CREB5: variants seen among roughly 807,000 people sequenced by gnomAD.
The protein encoded by CREB5 is cyclic AMP-responsive element-binding protein 5.
CREB5 carries 19 observed loss-of-function variants against 57.1 expected under a neutral mutation model. The observed-to-expected ratio is 0.33, with a 90% CI of 0.23 to 0.49. The LOEUF is 0.49. Ranked by LOEUF, CREB5 falls within the 20% of genes least tolerant of loss-of-function variation. The pLI is 0.99. For missense variants in CREB5, 579 were observed against 671.6 expected (o/e 0.86, Z 1.52); for synonymous variants, 238 against 238.3 (o/e 1.00, Z 0.01).
intron 5 of CREB5, among the ~76,000 whole-genome samples, chr7:28,637,404 C>T (rs1054860715): frequency 1.3e-5 from 2 of 152,030 alleles, no homozygotes; most frequent in Admixed American, 6.6e-5. Flanking sequence ...TCAAAATGCT[C>T]ACAGATTAGT....
intron 7 of CREB5, among the ~76,000 whole-genome samples, chr7:28,735,253 T>C (rs1485363245): frequency 2.0e-5 from 3 of 152,230 alleles, no homozygotes; most frequent in Non-Finnish European, 4.4e-5. Flanking sequence ...ACAAAAATAT[T>C]GGCTTCTCCA....
chr7:28,515,742 C>G (rs1792913187), intron 4 of CREB5, among the ~76,000 whole-genome samples: 1 of 152,094 alleles, frequency 6.6e-6, no homozygotes, highest in Non-Finnish European at 1.5e-5. Context: ...AAGCCTAGAC[C>G]ATTCTTACTT....
chr7:28,629,085 G>C (rs1355240195), intron 5 of CREB5, among the ~76,000 whole-genome samples: 2 of 152,162 alleles, frequency 1.3e-5, no homozygotes, highest in African/African-American at 4.8e-5. Flanking sequence ...TGGACCAAAT[G>C]GTGCCTCGGT....
At position 28,809,194 on chromosome 7, in the gene CREB5, C is replaced by T. The variant is rs777693503; in HGVS notation, c.1034C>T (p.Pro345Leu). 6.2e-7 allele frequency: 1 copy of T among 1,610,676 alleles called. No individual in the cohort carries two copies. The highest frequency in any genetic ancestry group is 1.1e-5 in the South Asian group (1 of 90,720). ...CCCTCTCTGGCCCAGCAGGTTTCAC[C>T]AGCAACACAACAGATGCAGCCAACC... is the stretch of plus-strand genomic sequence containing the variant. The part of the protein sequence containing the change: ...LHTGNQAQVS[P>L]ATQQMQPTQT... The change falls in exon 9 of 11, where the codon CCA (proline) becomes CTA (leucine). Residue 345 changes from proline (P) to leucine (L), a missense_variant. Pro to Leu is a moderately conservative substitution (Grantham distance 98). Around this residue, in one of 3 missense-constraint regions of CREB5, gnomAD observed 459 missense variants for 515.7 expected, o/e 0.89. Coordinates refer to ENST00000357727, the MANE Select transcript of CREB5 (RefSeq NM_182898.4).
chr7:28,414,938 T>G (rs1280887412), intron 1 of CREB5, among the ~76,000 whole-genome samples: 1 of 152,182 alleles, frequency 6.6e-6, no homozygotes, highest in Non-Finnish European at 1.5e-5. Context: ...CTTGAACCCA[T>G]AAAAGATATT....
chr7:28,341,577 T>G (rs2127988886), intron 1 of CREB5, among the ~76,000 whole-genome samples: 1 of 152,352 alleles, frequency 6.6e-6, no homozygotes, highest in South Asian at 2.1e-4. Flanking sequence ...TTGTATCGGC[T>G]TTCATCTTGG....
At chr7:28,558,901 G>C (rs183104213) in intron 4 of CREB5, among the ~76,000 whole-genome samples, 22 of 152,276 alleles carry the variant, frequency 1.4e-4, no homozygotes, top group Non-Finnish European at 2.8e-4. Context: ...TGGTAAGGAA[G>C]GGAGAGACAT....
At chr7:28,311,364 T>C (rs1467351005) in intron 1 of CREB5, among the ~76,000 whole-genome samples, 1 of 152,128 alleles carries the variant, frequency 6.6e-6, no homozygotes, top group Non-Finnish European at 1.5e-5. Context: ...TGTGCTGAAC[T>C]TTAGCTGTTT....
chr7:28,415,704 G>A (rs1387011497), intron 1 of CREB5, among the ~76,000 whole-genome samples: 1 of 152,062 alleles, frequency 6.6e-6, no homozygotes, highest in African/African-American at 2.4e-5. Flanking sequence ...GACTAAAAAT[G>A]GTCTGAAAGA....
chr7:28,522,366 T>C (rs1446187070), intron 4 of CREB5, among the ~76,000 whole-genome samples: 2 of 151,210 alleles, frequency 1.3e-5, no homozygotes, highest in Non-Finnish European at 2.9e-5. Context: ...ATATCTTGAC[T>C]GCACTGACTA....
intron 5 of CREB5, among the ~76,000 whole-genome samples, chr7:28,618,952 C>T (rs1797692359): frequency 6.6e-6 from 1 of 152,166 alleles, no homozygotes; most frequent in Non-Finnish European, 1.5e-5. Flanking sequence ...TTATAAAGAA[C>T]TTTCCAAAAC....
intron 1 of CREB5, among the ~76,000 whole-genome samples, chr7:28,392,104 A>G (rs1787229264): frequency 6.6e-6 from 1 of 152,132 alleles, no homozygotes; most frequent in South Asian, 2.1e-4. Flanking sequence ...GGGGAACAAC[A>G]CACGCTGGGG....
intron 4 of CREB5, among the ~76,000 whole-genome samples, chr7:28,558,153 A>G (rs1794948394): frequency 6.6e-6 from 1 of 152,238 alleles, no homozygotes; most frequent in Non-Finnish European, 1.5e-5. Flanking sequence ...ATGTCATAAA[A>G]TAAGACAGAC....
chr7:28,715,881 C>T (rs1197163214), intron 5 of CREB5, among the ~76,000 whole-genome samples: 2 of 152,056 alleles, frequency 1.3e-5, no homozygotes, highest in Non-Finnish European at 2.9e-5. Flanking sequence ...ATTATAATCC[C>T]AAGGGAACCT....
chr7:28,648,881 A>T (rs1361174521), intron 5 of CREB5, among the ~76,000 whole-genome samples: 3 of 152,198 alleles, frequency 2.0e-5, no homozygotes, highest in African/African-American at 7.2e-5. Flanking sequence ...GCTTTTCTGA[A>T]GTCTCTCTTC....
At chr7:28,618,529 T>A (rs1442729590) in intron 5 of CREB5, among the ~76,000 whole-genome samples, 1 of 152,204 alleles carries the variant, frequency 6.6e-6, no homozygotes, top group African/African-American at 2.4e-5. Context: ...CAGTAAACAG[T>A]TGTCCCACTT....
intron 5 of CREB5, among the ~76,000 whole-genome samples, chr7:28,611,042 G>A (rs939196756): frequency 2.0e-5 from 3 of 151,882 alleles, no homozygotes; most frequent in African/African-American, 7.3e-5. Context: ...TAAGAGAACT[G>A]TCTTTCCCTT....
intron 7 of CREB5, among the ~76,000 whole-genome samples, chr7:28,747,804 T>C (rs1231158931): frequency 6.6e-6 from 1 of 152,208 alleles, no homozygotes; most frequent in Admixed American, 6.5e-5. Context: ...CAGCATGTAA[T>C]GGATGCTGAA....
At chr7:28,729,048 A>G (rs923851314) in intron 7 of CREB5, among the ~76,000 whole-genome samples, 1 of 152,156 alleles carries the variant, frequency 6.6e-6, no homozygotes, top group Non-Finnish European at 1.5e-5. Flanking sequence ...TATTTTGATC[A>G]TTTATTGTCA....
Sources: gnomAD v4.1 joint callset for allele counts (sites outside exome capture counted in the v4.1 genomes callset) on GRCh38, gnomAD v4.1.1 for gene constraint, gnomAD v4.1.1 regional missense constraint, MANE v1.5 for transcripts, NCBI Gene and HGNC (gene_info 2026-07-23, HGNC 2026-07-21) for gene names.